Variants in RAPGEF1 observed in about 807,000 individuals in gnomAD.
RAPGEF1 encodes Rap guanine nucleotide exchange factor 1, also known as CRK SH3-binding GNRP.
A neutral mutation model predicts 143.3 loss-of-function variants in RAPGEF1; 33 were observed. That is an observed-to-expected ratio of 0.23 (90% CI 0.17 to 0.31). The LOEUF (loss-of-function observed/expected upper bound fraction) is 0.31. RAPGEF1 is among the 10% of genes least tolerant of loss of function. The pLI is 1.00. For missense variants in RAPGEF1, 1,199 were observed against 1,645.4 expected (o/e 0.73, Z 4.69); for synonymous variants, 629 against 676.5 (o/e 0.93, Z 1.09).
At chr9:131,595,811 G>A (rs1955176606) in intron 17 of RAPGEF1, among the ~76,000 whole-genome samples, 1 of 152,224 alleles carries the variant, frequency 6.6e-6, no homozygotes, top group South Asian at 2.1e-4. Context: ...GCTGTGTGCT[G>A]TGAAACTGAG....
chr9:131,660,882 T>G (rs1280789462), intron 1 of RAPGEF1, among the ~76,000 whole-genome samples: 1 of 152,262 alleles, frequency 6.6e-6, no homozygotes, highest in Non-Finnish European at 1.5e-5. Context: ...CTTGCATAAC[T>G]GGTAAGCATT....
chr9:131,679,109 C>T (rs927168752), intron 1 of RAPGEF1, among the ~76,000 whole-genome samples: 1 of 151,188 alleles, frequency 6.6e-6, no homozygotes, highest in African/African-American at 2.4e-5. Flanking sequence ...CAAATATGGC[C>T]CTAGGGTGCT....
In RAPGEF1 at chr9:131,589,874, T is replaced by TGA; in HGVS notation, c.2867+10_2867+11dup. 1 of 1,611,546 alleles carries TGA rather than the reference T, an allele frequency of 6.2e-7. No homozygotes were observed. The highest frequency in any genetic ancestry group is 8.5e-7 in the Non-Finnish European group (1 of 1,177,940). On this transcript the variant is annotated intron_variant, in intron 19 of 26. Coordinates refer to ENST00000683357, the MANE Select transcript of RAPGEF1 (RefSeq NM_001377935.1). ...CCACTGGCCCCCAGGACCCCAAGGG[T>TGA]GAAGCACTCACCAGAGCTCATCCAC...
chr9:131,629,072 G>C (rs1166401764), intron 7 of RAPGEF1, 30 bp downstream of exon 7: 1 of 1,601,704 alleles, frequency 6.2e-7, no homozygotes, highest in East Asian at 2.2e-5. Flanking sequence ...TCTGCCATGG[G>C]AGGCACTGGA....
At chr9:131,725,556 T>G (rs1174251365) in intron 1 of RAPGEF1, 1 of 152,234 alleles carries the variant, frequency 6.6e-6, no homozygotes, top group Non-Finnish European at 1.5e-5. Flanking sequence ...CCTTGCGGGC[T>G]AAAGCAATCC....
intron 1 of RAPGEF1, among the ~76,000 whole-genome samples, chr9:131,687,829 C>T (rs2130986756): frequency 6.6e-6 from 1 of 152,304 alleles, no homozygotes; most frequent in East Asian, 1.9e-4. Flanking sequence ...ATATAATGTT[C>T]TATATAAATG....
chr9:131,604,883 G>GGGGTGT, intron 13 of RAPGEF1, 48 bp downstream of exon 13: 1 of 1,250,244 alleles, frequency 8.0e-7, no homozygotes, highest in Admixed American at 2.6e-5. Context: ...CCCATGTGCA[G>GGGGTGT]GGGTGTGTGT....
At chr9:131,674,018 C>G (rs1349363625) in intron 1 of RAPGEF1, among the ~76,000 whole-genome samples, 1 of 152,190 alleles carries the variant, frequency 6.6e-6, no homozygotes, top group Non-Finnish European at 1.5e-5. Context: ...GGTCTCTAAA[C>G]TCTGTAAAAA....
chr9:131,694,405 T>C (rs964845510), intron 1 of RAPGEF1, among the ~76,000 whole-genome samples: 19 of 152,214 alleles, frequency 1.2e-4, no homozygotes, highest in African/African-American at 3.6e-4. Context: ...GAGTTCTGTG[T>C]TGTATGGTTC....
intron 1 of RAPGEF1, among the ~76,000 whole-genome samples, chr9:131,673,406 G>T (rs1831715593): frequency 6.6e-6 from 1 of 152,200 alleles, no homozygotes; most frequent in African/African-American, 2.4e-5. Flanking sequence ...AGAGGTTGGG[G>T]TCCCAACTCC....
chr9:131,701,101 TGAAAAGTGATTG>T (rs1834609118), intron 1 of RAPGEF1, among the ~76,000 whole-genome samples: 1 of 152,118 alleles, frequency 6.6e-6, no homozygotes, highest in Non-Finnish European at 1.5e-5. Flanking sequence ...AAGCAATCAG[TGAAAAGTGATTG>T]GAAAAGTGAT....
At chr9:131,613,987 C>T (rs1259684650) in intron 12 of RAPGEF1, among the ~76,000 whole-genome samples, 1 of 152,202 alleles carries the variant, frequency 6.6e-6, no homozygotes, top group Non-Finnish European at 1.5e-5. Flanking sequence ...ACTACGTGAG[C>T]TACGCCAGGC....
intron 1 of RAPGEF1, among the ~76,000 whole-genome samples, chr9:131,682,585 G>A (rs1833006381): frequency 6.6e-6 from 1 of 152,168 alleles, no homozygotes; most frequent in Non-Finnish European, 1.5e-5. Flanking sequence ...TTACAATGCG[G>A]AAATTCAAAT....
chr9:131,717,272 G>A (rs1239368763), intron 1 of RAPGEF1, among the ~76,000 whole-genome samples: 2 of 152,122 alleles, frequency 1.3e-5, no homozygotes, highest in African/African-American at 2.4e-5. Context: ...GGATGAACAC[G>A]GTCACAGCCT....
intron 1 of RAPGEF1, among the ~76,000 whole-genome samples, chr9:131,734,331 C>G (rs1038233658): frequency 2.0e-5 from 3 of 152,220 alleles, no homozygotes; most frequent in African/African-American, 7.2e-5. Flanking sequence ...GCCCTCACCC[C>G]CTGGGCTGTT....
At chr9:131,582,263 C>T (rs1951976920) in intron 25 of RAPGEF1, among the ~76,000 whole-genome samples, 1 of 152,034 alleles carries the variant, frequency 6.6e-6, no homozygotes, top group Non-Finnish European at 1.5e-5. Flanking sequence ...GGGAGAGGAG[C>T]CATACATCTG....
intron 1 of RAPGEF1, among the ~76,000 whole-genome samples, chr9:131,688,590 G>C (rs1833543171): frequency 6.6e-6 from 1 of 152,130 alleles, no homozygotes; most frequent in African/African-American, 2.4e-5. Flanking sequence ...TCTGCACCCT[G>C]AATCACTAGA....
intron 1 of RAPGEF1, among the ~76,000 whole-genome samples, chr9:131,672,510 G>C (rs527308945): frequency 5.9e-5 from 9 of 152,304 alleles, no homozygotes; most frequent in African/African-American, 2.2e-4. Flanking sequence ...AGGACACTGG[G>C]CTTCAACAGG....
chr9:131,691,077 G>A (rs562215481), intron 1 of RAPGEF1, among the ~76,000 whole-genome samples: 1 of 152,246 alleles, frequency 6.6e-6, no homozygotes, highest in South Asian at 2.1e-4. Context: ...GATTACTTAA[G>A]AAATGTGAGT....
Sources: gnomAD v4.1 joint callset for allele counts (sites outside exome capture counted in the v4.1 genomes callset) on GRCh38, gnomAD v4.1.1 for gene constraint, MANE v1.5 for transcripts, NCBI Gene and HGNC (gene_info 2026-07-23, HGNC 2026-07-21) for gene names.